LIPK: variants seen among roughly 807,000 people sequenced by gnomAD.
The protein encoded by LIPK is lipase member K.
Under a neutral mutation model 48.6 loss-of-function variants are expected in LIPK, and 32 were observed. The observed-to-expected ratio is 0.66, with a 90% CI of 0.50 to 0.88. The LOEUF (loss-of-function observed/expected upper bound fraction) is 0.88, where lower values mean the gene tolerates loss of function less well. Among genes scored for constraint, LIPK ranks in the 40% least tolerant of loss-of-function variants. The pLI, the probability that LIPK is intolerant of heterozygous loss-of-function variation, is 0.00. For synonymous variants in LIPK, 164 were observed against 157.4 expected (o/e 1.04, Z -0.32); for missense variants, 507 against 478.5 (o/e 1.06, Z -0.56).
intron 8 of LIPK, among the ~76,000 whole-genome samples, chr10:88,741,982 G>A (rs570991599): frequency 1.3e-5 from 2 of 152,300 alleles, no homozygotes; most frequent in African/African-American, 2.4e-5. Context: ...GCATGGCTAG[G>A]AGGCCTCAAG....
At chr10:88,744,145 G>A (rs1221865921) in intron 9 of LIPK, among the ~76,000 whole-genome samples, 1 of 152,150 alleles carries the variant, frequency 6.6e-6, no homozygotes, top group East Asian at 1.9e-4. Flanking sequence ...CTGTCTGCTG[G>A]CCTTTCTCAG....
At chr10:88,750,066 C>A (rs1842838712) in intron 9 of LIPK, among the ~76,000 whole-genome samples, 1 of 152,034 alleles carries the variant, frequency 6.6e-6, no homozygotes, top group African/African-American at 2.4e-5. Flanking sequence ...TGGTCAATAT[C>A]AATAATCATT....
At chr10:88,731,256 C>G in intron 4 of LIPK, 75 bp downstream of exon 4, 3 of 1,249,394 alleles carry the variant, frequency 2.4e-6, no homozygotes, top group Non-Finnish European at 3.2e-6. Context: ...TGATTTTTTT[C>G]CTGTTTTGTG....
chr10:88,726,950 AG>A (rs748683501), intron 3 of LIPK, 38 bp downstream of exon 3: 1 of 1,210,048 alleles, frequency 8.3e-7, no homozygotes, highest in South Asian at 1.3e-5. Flanking sequence ...AAATACTTAA[AG>A]CAGAGGTACT....
At chr10:88,731,986 A>G (rs371093864) in intron 4 of LIPK, among the ~76,000 whole-genome samples, 192 bp from the exon 5 acceptor site, 21 of 152,242 alleles carry the variant, frequency 1.4e-4, no homozygotes, top group Admixed American at 5.2e-4. Context: ...TTCTGATTTC[A>G]GTTTCTTAAA....
intron 1 of LIPK, among the ~76,000 whole-genome samples, chr10:88,722,889 C>CTTTTTTTTTTTTTTTTTTTTTTTTTTTT (rs398014386): frequency 3.5e-5 from 4 of 113,206 alleles, no homozygotes; most frequent in African/African-American, 7.3e-5. Context: ...TTTCTTTTTT[C>CTTTTTTTTTTTTTTTTTTTTTTTTTTTT]TTTTTTTTTT....
chr10:88,738,213 G>C (rs1327464694), intron 7 of LIPK, among the ~76,000 whole-genome samples: 1 of 152,216 alleles, frequency 6.6e-6, no homozygotes, highest in Non-Finnish European at 1.5e-5. Context: ...ATAAAAGGAG[G>C]CATGGTTCTT....
intron 9 of LIPK, among the ~76,000 whole-genome samples, chr10:88,743,961 A>C (rs1208923866): frequency 6.6e-6 from 1 of 152,232 alleles, no homozygotes; most frequent in Non-Finnish European, 1.5e-5. Context: ...TTGCCTGTGC[A>C]AAGCCCAAAG....
rs115057987 is a variant in LIPK at position 88,739,769 on chromosome 10, G to A, written c.817-227G>A. ...AGCTACTCGGGAGGCTAAGGCAGGAGAATGGAACCCAGGAGGTGGAGCCTG... is the reference window on the plus strand; with the variant it reads ...AGCTACTCGGGAGGCTAAGGCAGGAAAATGGAACCCAGGAGGTGGAGCCTG... On this transcript the variant is annotated intron_variant, in intron 7 of 9. Coordinates refer to ENST00000404190, the MANE Select transcript of LIPK (RefSeq NM_001080518.2). Among the ~76,000 whole-genome samples the A allele has an allele frequency of 8.0e-3, 1,213 of 152,154 alleles. 15 individuals are homozygous for A. The highest frequency in any genetic ancestry group is 0.027 in the African/African-American group (1,137 of 41,510).
chr10:88,718,695 T>G (rs1842164825), intron 1 of LIPK, among the ~76,000 whole-genome samples: 1 of 152,064 alleles, frequency 6.6e-6, no homozygotes, highest in Non-Finnish European at 1.5e-5. Context: ...GAAAAGAAAT[T>G]GAGTAAAACA....
At chr10:88,729,745 C>T (rs555284686) in intron 3 of LIPK, among the ~76,000 whole-genome samples, 1 of 152,276 alleles carries the variant, frequency 6.6e-6, no homozygotes, top group East Asian at 1.9e-4. Context: ...GAAAAATGGA[C>T]ATAGACTCTT....
intron 6 of LIPK, among the ~76,000 whole-genome samples, chr10:88,734,554 C>T (rs569959032): frequency 2.0e-5 from 3 of 152,218 alleles, no homozygotes; most frequent in East Asian, 1.9e-4. Flanking sequence ...GGGAATGACA[C>T]GCATAATGCC....
intron 1 of LIPK, among the ~76,000 whole-genome samples, chr10:88,708,338 A>G (rs932325153): frequency 5.3e-5 from 8 of 152,134 alleles, no homozygotes; most frequent in African/African-American, 1.7e-4. Flanking sequence ...AAATTAGTGG[A>G]AGAGAGAAAA....
At chr10:88,707,152 AAGC>A (rs1397987218) in intron 1 of LIPK, among the ~76,000 whole-genome samples, 1 of 152,138 alleles carries the variant, frequency 6.6e-6, no homozygotes, top group Non-Finnish European at 1.5e-5. Flanking sequence ...AGAAATAAGA[AAGC>A]AGTTTTTACC....
At chr10:88,713,984 T>A (rs527465310) in intron 1 of LIPK, among the ~76,000 whole-genome samples, 3 of 151,740 alleles carry the variant, frequency 2.0e-5, no homozygotes, top group Non-Finnish European at 4.4e-5. Context: ...TAAAATAAAA[T>A]AAATTTAGTG....
At chr10:88,735,967 T>C (rs2134753977) in intron 6 of LIPK, among the ~76,000 whole-genome samples, 1 of 152,308 alleles carries the variant, frequency 6.6e-6, no homozygotes, top group East Asian at 1.9e-4. Context: ...ATTTACTCCG[T>C]ATTTGGGAAA....
chr10:88,716,654 GCC>G, intron 1 of LIPK, among the ~76,000 whole-genome samples: 1 of 152,164 alleles, frequency 6.6e-6, no homozygotes, highest in African/African-American at 2.4e-5. Context: ...ACTGAGCCTG[GCC>G]AGAATATAGG....
chr10:88,712,941 C>G (rs1190398808), intron 1 of LIPK, among the ~76,000 whole-genome samples: 1 of 152,156 alleles, frequency 6.6e-6, no homozygotes, highest in Non-Finnish European at 1.5e-5. Context: ...TGACCAACTT[C>G]TTTTGAATAA....
chr10:88,712,261 C>G (rs1296432245), intron 1 of LIPK, among the ~76,000 whole-genome samples: 1 of 152,118 alleles, frequency 6.6e-6, no homozygotes, highest in African/African-American at 2.4e-5. Flanking sequence ...ACTCTGAACT[C>G]TCTCAGTTGA....
Sources: allele counts gnomAD v4.1 joint callset (sites outside exome capture counted in the v4.1 genomes callset), GRCh38; gene constraint gnomAD v4.1.1; transcripts MANE v1.5; gene names NCBI Gene and HGNC (gene_info 2026-07-23, HGNC 2026-07-21).